The following DPP10 variants were observed in gnomAD, a reference collection of about 807,000 sequenced individuals.
The protein encoded by DPP10 is inactive dipeptidyl peptidase 10.
In DPP10, 33 loss-of-function variants were observed where a neutral mutation model predicts 120.9. The observed-to-expected ratio is 0.27, with a 90% CI of 0.21 to 0.37. The LOEUF (loss-of-function observed/expected upper bound fraction) is 0.37, where lower values mean the gene tolerates loss of function less well. Among genes scored for constraint, DPP10 ranks in the 10% least tolerant of loss-of-function variants. The pLI is 1.00. For missense variants in DPP10, 816 were observed against 942.8 expected, an observed-to-expected ratio of 0.87 and a Z score of 1.76; for synonymous variants, 337 against 326.1, an observed-to-expected ratio of 1.03 and a Z score of -0.36.
chr2:115,638,682 C>T (rs897493137), intron 5 of DPP10, among the ~76,000 whole-genome samples: 3 of 152,124 alleles, frequency 2.0e-5, no homozygotes, highest in Non-Finnish European at 4.4e-5. Context: ...ATGATTGAGT[C>T]CTCCCTTGAA....
intron 1 of DPP10, among the ~76,000 whole-genome samples, chr2:114,918,942 T>TA (rs1695002066): frequency 8.3e-6 from 1 of 120,710 alleles, no homozygotes; most frequent in African/African-American, 3.2e-5. Context: ...CCCCCGAACC[T>TA]AAAAAAAAGA....
At chr2:114,545,319 G>A (rs1687305538) in intron 1 of DPP10, among the ~76,000 whole-genome samples, 1 of 151,402 alleles carries the variant, frequency 6.6e-6, no homozygotes, top group South Asian at 2.1e-4. Context: ...TTTTACAGTG[G>A]CCACTAGAAA....
At chr2:115,219,890 T>A (rs2057045296) in intron 1 of DPP10, among the ~76,000 whole-genome samples, 1 of 152,172 alleles carries the variant, frequency 6.6e-6, no homozygotes, top group Non-Finnish European at 1.5e-5. Context: ...AAAATGTGAA[T>A]GGCTAAATAT....
intron 1 of DPP10, among the ~76,000 whole-genome samples, chr2:114,737,898 T>G (rs528443651): frequency 2.0e-5 from 3 of 152,316 alleles, no homozygotes; most frequent in East Asian, 3.9e-4. Flanking sequence ...ATTCTTACAT[T>G]GCTATGAAGA....
At chr2:114,976,373 G>A (rs1699759121) in intron 1 of DPP10, among the ~76,000 whole-genome samples, 3 of 151,978 alleles carry the variant, frequency 2.0e-5, no homozygotes, top group African/African-American at 7.3e-5. Context: ...TTCTACCATG[G>A]TATCTCCATT....
rs552741738 is a variant in DPP10, at chr2:115,526,096, A to G, written c.441+124A>G. On this transcript the variant is annotated intron_variant, in intron 5 of 25. Coordinates refer to ENST00000410059, the MANE Select transcript of DPP10 (RefSeq NM_020868.6). ...GCATGTCTAGTAACTACCGGAGGAC[A>G]GTAATGACTACTTTGCACAAAAGAT... 53 of 631,664 alleles carry G rather than the reference A, an allele frequency of 8.4e-5. No individual in the cohort carries two copies. In the South Asian group the frequency reaches 1.0e-3, roughly 12 times the overall value. The allele number at this position is 631,664 out of a possible 1,614,324, so 39.1% of individuals were successfully genotyped here.
At chr2:115,544,515 C>T (rs369046693) in intron 5 of DPP10, among the ~76,000 whole-genome samples, 1 of 152,006 alleles carries the variant, frequency 6.6e-6, no homozygotes, top group East Asian at 1.9e-4. Flanking sequence ...TTAAACCTGT[C>T]ATCATGGATT....
At chr2:115,004,547 C>T (rs1273010877) in intron 1 of DPP10, among the ~76,000 whole-genome samples, 3 of 152,200 alleles carry the variant, frequency 2.0e-5, no homozygotes, top group Admixed American at 2.0e-4. Flanking sequence ...GAGGCATTGC[C>T]TCACTCGGGA....
chr2:115,317,195 A>G (rs562097637), intron 2 of DPP10, among the ~76,000 whole-genome samples: 5 of 151,668 alleles, frequency 3.3e-5, no homozygotes, highest in Admixed American at 6.6e-5. Flanking sequence ...TGCTCCTCAT[A>G]TCCCACCTCC....
intron 7 of DPP10, among the ~76,000 whole-genome samples, chr2:115,715,010 CAGAGCAAGACTCTGTCTCAAAAA>C (rs1292596989): frequency 1.6e-4 from 18 of 115,780 alleles, no homozygotes; most frequent in Admixed American, 3.7e-4. Context: ...GCCTGGGAGA[CAGAGCAAGACTCTGTCTCAAAAA>C]AAAAAAAAAA....
chr2:114,988,186 C>G (rs1700539463), intron 1 of DPP10, among the ~76,000 whole-genome samples: 1 of 152,170 alleles, frequency 6.6e-6, no homozygotes, highest in Non-Finnish European at 1.5e-5. Flanking sequence ...TAGTATTCAC[C>G]AAATTTTATG....
At chr2:114,706,670 A>G (rs1470347697) in intron 1 of DPP10, among the ~76,000 whole-genome samples, 1 of 152,084 alleles carries the variant, frequency 6.6e-6, no homozygotes. Context: ...ATCTGCAAAG[A>G]CCCTATTGCA....
chr2:114,938,198 T>C (rs1288497922), intron 1 of DPP10, among the ~76,000 whole-genome samples: 1 of 152,224 alleles, frequency 6.6e-6, no homozygotes, highest in African/African-American at 2.4e-5. Flanking sequence ...TTTATTTTTG[T>C]GTACTATTTT....
intron 1 of DPP10, among the ~76,000 whole-genome samples, chr2:115,025,866 G>A (rs994781126): frequency 3.3e-5 from 5 of 151,746 alleles, no homozygotes; most frequent in Non-Finnish European, 2.9e-5. Flanking sequence ...GTCTTTTTGG[G>A]TGTTTGTTTG....
At chr2:115,485,480 T>C (rs2075719524) in intron 3 of DPP10, among the ~76,000 whole-genome samples, 1 of 152,158 alleles carries the variant, frequency 6.6e-6, no homozygotes, top group Non-Finnish European at 1.5e-5. Flanking sequence ...GTTAAGTATG[T>C]GAATTTTAAT....
chr2:115,600,490 G>A (rs1420428340), intron 5 of DPP10, among the ~76,000 whole-genome samples: 2 of 152,090 alleles, frequency 1.3e-5, no homozygotes, highest in Admixed American at 6.6e-5. Flanking sequence ...TTAATTAAAC[G>A]TGTTAGCTGA....
chr2:115,058,167 G>C (rs1297966064), intron 1 of DPP10, among the ~76,000 whole-genome samples: 1 of 150,822 alleles, frequency 6.6e-6, no homozygotes, highest in Non-Finnish European at 1.5e-5. Context: ...CCCACAATGG[G>C]TAGTTGATAT....
rs1422366829 is a variant in DPP10, at chr2:115,617,703, G to T, written c.442-71984G>T. On this transcript the variant is annotated intron_variant, in intron 5 of 25. Coordinates refer to ENST00000410059, the MANE Select transcript of DPP10 (RefSeq NM_020868.6). ...GTGTGTAGGAGGCTAGACCACCTAG[G>T]TTTGTGTAAGTACACTCTATGATGT... Among the ~76,000 whole-genome samples the T allele has an allele frequency of 2.0e-5, 3 of 151,926 alleles. No individual in the cohort carries two copies. In the East Asian group the frequency reaches 5.8e-4, roughly 29 times the overall value.
At chr2:114,757,418 G>A (rs997813703) in intron 1 of DPP10, among the ~76,000 whole-genome samples, 6 of 150,508 alleles carry the variant, frequency 4.0e-5, no homozygotes, top group Non-Finnish European at 5.9e-5. Flanking sequence ...GGGAAGGAAG[G>A]AAGGAAAGAA....
Sources: allele counts gnomAD v4.1 joint callset (sites outside exome capture counted in the v4.1 genomes callset), GRCh38; gene constraint gnomAD v4.1.1; transcripts MANE v1.5; gene names NCBI Gene and HGNC (gene_info 2026-07-23, HGNC 2026-07-21).